The following C14orf39 variants were observed in gnomAD, a reference collection of about 807,000 sequenced individuals.
The protein encoded by C14orf39 is chromosome 14 open reading frame 39.
A neutral mutation model predicts 85.6 loss-of-function variants in C14orf39; 66 were observed. That is an observed-to-expected ratio of 0.77 (90% CI 0.63 to 0.95). The LOEUF (loss-of-function observed/expected upper bound fraction) is 0.95. Ranked by LOEUF, C14orf39 falls within the 40% of genes least tolerant of loss-of-function variation. The pLI is 0.00. For synonymous variants in C14orf39, 242 were observed against 214.0 expected, an observed-to-expected ratio of 1.13 and a Z score of -1.14; for missense variants, 735 against 663.9, an observed-to-expected ratio of 1.11 and a Z score of -1.18.
intron 13 of C14orf39, among the ~76,000 whole-genome samples, chr14:60,460,525 TATC>T (rs540497404): frequency 1.6e-3 from 244 of 151,934 alleles, no homozygotes; most frequent in African/African-American, 5.6e-3. Flanking sequence ...AAAAGTCAGT[TATC>T]AGACAAAAAG....
intron 4 of C14orf39, 80 bp from the exon 5 acceptor site, chr14:60,478,469 T>G: frequency 1.4e-6 from 1 of 703,008 alleles, no homozygotes. Context: ...AAGAACATAA[T>G]TATTTAAAGA....
At chr14:60,451,232 T>C (rs368977030) in intron 16 of C14orf39, among the ~76,000 whole-genome samples, 2 of 152,032 alleles carry the variant, frequency 1.3e-5, no homozygotes, top group Non-Finnish European at 2.9e-5. Context: ...CACTTTTACA[T>C]TGTTGGTGGG....
rs553183574 is a variant in C14orf39, at chr14:60,495,397, G to A, written c.-9+3899C>T. The A allele has an allele frequency of 5.6e-5, 10 of 177,118 alleles. No individual in the cohort carries two copies. The East Asian group carries it at 8.8e-4, about 16-fold the overall frequency. The allele number at this position is 177,118 out of a possible 1,614,324, so 11.0% of individuals were successfully genotyped here. A position where few individuals can be genotyped will look rare whatever the true frequency, so the allele number is the denominator to read the frequency against. On this transcript the variant is annotated intron_variant, in intron 2 of 5. Transcript: ENST00000556799. Reference sequence around the variant, plus strand: ...CTTACATTCTGAAGAAGATCTGAGCGGCAGGTCATCAAGCAACAGGTCACT... The same window carrying A: ...CTTACATTCTGAAGAAGATCTGAGCAGCAGGTCATCAAGCAACAGGTCACT...
chr14:60,437,125 T>G, intron 17 of C14orf39, 78 bp from the exon 18 acceptor site: 1 of 897,002 alleles, frequency 1.1e-6, no homozygotes. Flanking sequence ...TATAGCATAC[T>G]GCATACAATA....
chr14:60,462,232 G>A (rs1891565983), intron 11 of C14orf39, among the ~76,000 whole-genome samples: 2 of 148,912 alleles, frequency 1.3e-5, no homozygotes, highest in Admixed American at 1.3e-4. Context: ...AAAATTAGCT[G>A]AGTTTGGTAG....
At chr14:60,514,408 T>G (rs55676518) in intron 1 of C14orf39, among the ~76,000 whole-genome samples, 5 of 152,206 alleles carry the variant, frequency 3.3e-5, no homozygotes, top group Non-Finnish European at 7.3e-5. Flanking sequence ...TCAACGGACC[T>G]GACCAATGTG....
intron 5 of C14orf39, among the ~76,000 whole-genome samples, chr14:60,477,502 T>C (rs1892437781): frequency 1.3e-5 from 2 of 152,250 alleles, no homozygotes; most frequent in South Asian, 4.1e-4. Context: ...CATTCACTAA[T>C]TATATTTAAT....
intron 4 of C14orf39, 70 bp downstream of exon 4, chr14:60,483,621 A>G (rs1892741852): frequency 3.7e-6 from 5 of 1,340,582 alleles, no homozygotes; most frequent in Non-Finnish European, 5.1e-6. Context: ...TGAAGGAAGT[A>G]TCTTCAACTG....
intron 5 of C14orf39, among the ~76,000 whole-genome samples, chr14:60,477,358 C>T (rs1012494198): frequency 2.0e-5 from 3 of 151,884 alleles, no homozygotes; most frequent in Non-Finnish European, 2.9e-5. Context: ...AGATTTTGCA[C>T]GTTTTAGTTA....
chr14:60,509,658 T>C, intron 1 of C14orf39: 1 of 1,613,988 alleles, frequency 6.2e-7, no homozygotes. Flanking sequence ...CACGCCAAGC[T>C]GCAGGCGCTG....
rs563215872 is a variant in C14orf39 at position 60,439,466 on chromosome 14, C to T, written c.1562-2419G>A. ...AAAAATAAATATTTAAGAGAGAGAACTGATAAAACTTAATGACTAGTTGAA... is the reference window on the plus strand; with the variant it reads ...AAAAATAAATATTTAAGAGAGAGAATTGATAAAACTTAATGACTAGTTGAA... On this transcript the variant is annotated intron_variant, in intron 17 of 17. Coordinates refer to ENST00000321731, the MANE Select transcript of C14orf39 (RefSeq NM_174978.3). Among the ~76,000 whole-genome samples the T allele has an allele frequency of 3.3e-5, 5 of 152,180 alleles. No individual in the cohort carries two copies. In the East Asian group the frequency reaches 9.7e-4, roughly 29 times the overall value.
intron 5 of C14orf39, among the ~76,000 whole-genome samples, chr14:60,475,173 C>G (rs977125166): frequency 6.6e-6 from 1 of 152,094 alleles, no homozygotes; most frequent in African/African-American, 2.4e-5. Context: ...TCTAGATTTT[C>G]TAGTTTATTT....
intron 1 of C14orf39, chr14:60,508,905 GGGA>G (rs1291869189): frequency 1.1e-5 from 2 of 176,628 alleles, no homozygotes; most frequent in East Asian, 3.7e-4. Flanking sequence ...GGGTGGGGGA[GGGA>G]GGAGTAGTGA....
At chr14:60,445,546 A>G (rs1246353546) in intron 16 of C14orf39, among the ~76,000 whole-genome samples, 2 of 152,198 alleles carry the variant, frequency 1.3e-5, no homozygotes, top group Non-Finnish European at 2.9e-5. Flanking sequence ...CCAATACAGG[A>G]GCACCCAGAT....
At chr14:60,490,506 CCTAACTA>C (rs1892972474), upstream of C14orf39, among the ~76,000 whole-genome samples, 1 of 151,744 alleles carries the variant, frequency 6.6e-6, no homozygotes, top group Non-Finnish European at 1.5e-5. Flanking sequence ...CACCTGTAGT[CCTAACTA>C]CTTGGGAGGC....
intron 13 of C14orf39, among the ~76,000 whole-genome samples, chr14:60,460,210 C>T (rs1473856573): frequency 6.6e-6 from 1 of 151,836 alleles, no homozygotes; most frequent in Non-Finnish European, 1.5e-5. Context: ...CCTCACTATA[C>T]ATGCTCAACA....
At chr14:60,492,336 A>C (rs562514663) in intron 2 of C14orf39, among the ~76,000 whole-genome samples, 1 of 152,288 alleles carries the variant, frequency 6.6e-6, no homozygotes, top group Non-Finnish European at 1.5e-5. Flanking sequence ...TACAAAAGTG[A>C]ATTTTTTAAA....
intron 16 of C14orf39, among the ~76,000 whole-genome samples, chr14:60,449,385 T>G (rs1359188029): frequency 6.6e-6 from 1 of 152,202 alleles, no homozygotes; most frequent in East Asian, 1.9e-4. Context: ...CAGTGTAAGA[T>G]GAATGCGTAA....
intron 16 of C14orf39, among the ~76,000 whole-genome samples, chr14:60,451,069 A>G (rs1332820196): frequency 6.6e-6 from 1 of 152,176 alleles, no homozygotes; most frequent in Non-Finnish European, 1.5e-5. Flanking sequence ...AACAACTACA[A>G]GCATCAAGAT....
Sources: allele counts gnomAD v4.1 joint callset (sites outside exome capture counted in the v4.1 genomes callset), GRCh38; gene constraint gnomAD v4.1.1; transcripts MANE v1.5; gene names NCBI Gene and HGNC (gene_info 2026-07-23, HGNC 2026-07-21).